Variants in INTS6L observed in about 807,000 individuals in gnomAD.
INTS6L encodes the protein integrator complex subunit 6-like.
In INTS6L, 18 loss-of-function variants were observed where a neutral mutation model predicts 64.7. That is an observed-to-expected ratio of 0.28 (90% CI 0.19 to 0.41). The LOEUF is 0.41. Among genes scored for constraint, INTS6L ranks in the 10% least tolerant of loss-of-function variants. The pLI is 1.00. For synonymous variants in INTS6L, 227 were observed against 235.9 expected (o/e 0.96, Z 0.34); for missense variants, 533 against 661.0 (o/e 0.81, Z 2.12).
intron 9 of INTS6L, among the ~76,000 whole-genome samples, chrX:135,558,281 C>T (rs143726827): frequency 3.6e-5 from 4 of 111,191 alleles, no homozygotes; most frequent in Non-Finnish European, 7.5e-5. Context: ...CCATATGATC[C>T]AGCAATCCCA....
At chrX:135,547,326 T>A in intron 6 of INTS6L, 61 bp downstream of exon 6, 1 of 1,105,494 alleles carries the variant, frequency 9.0e-7, no homozygotes. Context: ...AGACATTAAA[T>A]AAATTACTAT....
At chrX:135,557,988 A>G (rs1238523717) in intron 9 of INTS6L, among the ~76,000 whole-genome samples, 1 of 112,636 alleles carries the variant, frequency 8.9e-6, no homozygotes, top group African/African-American at 3.2e-5. Flanking sequence ...AAAAATGGGC[A>G]AAGGACTTGA....
intron 8 of INTS6L, 123 bp from the exon 9 acceptor site, chrX:135,556,045 T>C: frequency 1.4e-6 from 1 of 712,188 alleles, no homozygotes; most frequent in South Asian, 4.1e-5. Context: ...CTAAAAACAC[T>C]ATTGCTATTT....
At chrX:135,544,352 A>G (rs1170480174) in intron 2 of INTS6L, among the ~76,000 whole-genome samples, 1 of 111,994 alleles carries the variant, frequency 8.9e-6, no homozygotes, top group African/African-American at 3.3e-5. Context: ...ATGAAACCAG[A>G]AAAGAGTGTT....
intron 15 of INTS6L, 28 bp from the exon 16 acceptor site, chrX:135,579,760 C>G: frequency 1.7e-6 from 2 of 1,157,778 alleles, no homozygotes; most frequent in Non-Finnish European, 2.3e-6. Flanking sequence ...CCTTACCTCA[C>G]AGCTCAACCT....
Position 135,578,159 on chromosome X carries a change from C to A in INTS6L, c.2119+732C>A, listed in dbSNP as rs377091859. Among the ~76,000 whole-genome samples the A allele has an allele frequency of 2.7e-5, 3 of 111,889 alleles. No homozygotes were observed. In the East Asian group the frequency reaches 8.4e-4, roughly 31 times the overall value. ...CAATCCTGGTACCTCTCCTGTCCTT[C>A]ACTGCGTTCTCTTCCTAGGTGACCC... On this transcript the variant is annotated intron_variant, in intron 15 of 17. Coordinates refer to ENST00000639893, the MANE Select transcript of INTS6L (RefSeq NM_001351601.3).
At chrX:135,541,188 T>C (rs950019945) in intron 2 of INTS6L, among the ~76,000 whole-genome samples, 15 of 111,737 alleles carry the variant, frequency 1.3e-4, no homozygotes, top group Admixed American at 5.7e-4. Context: ...GATTCTGTAG[T>C]GTGTCTACTG....
intron 9 of INTS6L, among the ~76,000 whole-genome samples, chrX:135,566,104 A>G (rs1001283084): frequency 1.8e-5 from 2 of 111,941 alleles, no homozygotes; most frequent in African/African-American, 3.3e-5. Context: ...GCTGGAGGGC[A>G]TAGCTGCCCA....
intron 11 of INTS6L, chrX:135,572,020 T>G (rs1007330617): frequency 5.4e-5 from 6 of 112,112 alleles, no homozygotes; most frequent in African/African-American, 1.6e-4. Context: ...CCAAAATCAT[T>G]TTAGGTTTAC....
At chrX:135,573,698 C>T (rs2087149013) in intron 12 of INTS6L, among the ~76,000 whole-genome samples, 1 of 112,172 alleles carries the variant, frequency 8.9e-6, no homozygotes, top group Non-Finnish European at 1.9e-5. Flanking sequence ...GTATCAATCT[C>T]GGGATTTGGT....
At chrX:135,552,214 C>A (rs2086525723) in intron 8 of INTS6L, 68 bp downstream of exon 8, 2 of 1,029,692 alleles carry the variant, frequency 1.9e-6, no homozygotes, top group African/African-American at 3.8e-5. Flanking sequence ...TTTTAAGAAG[C>A]TTCAAAGGTT....
chrX:135,570,743 G>A, intron 11 of INTS6L, 197 bp downstream of exon 11: 1 of 441,925 alleles, frequency 2.3e-6, no homozygotes, highest in Non-Finnish European at 3.5e-6. Context: ...ATCATTTGAT[G>A]CTGTGCCATT....
Position 135,552,059 on chromosome X carries a change from C to G in INTS6L, c.972C>G (p.Asp324Glu), listed in dbSNP as rs562677928. 8.3e-7 allele frequency: 1 copy of G among 1,201,074 alleles called. No individual in the cohort carries two copies. Among genetic ancestry groups the G allele is most frequent in the Admixed American group, 2.2e-5 (1 of 44,960 alleles). The change falls in exon 8 of 18, where the codon GAC becomes GAG. Residue 324 changes from aspartate (D) to glutamate (E), a missense_variant. Asp to Glu is a conservative substitution (Grantham distance 45). Coordinates refer to ENST00000639893, the MANE Select transcript of INTS6L (RefSeq NM_001351601.3). ...TAGATTGTGAGCCAATGGTAATAGA[C>G]AAACTTCCTTTTGACAAATATGAAC... ...SCVDCEPMVI[D>E]KLPFDKYELE... is the part of the protein sequence containing the mutation.
Position 135,579,976 on chromosome X carries a change from C to A in INTS6L, c.2308C>A (p.Pro770Thr), listed in dbSNP as rs782346676. The change falls in exon 16 of 18, where the codon CCT becomes ACT. Residue 770 changes from proline to threonine, a missense_variant. Coordinates refer to ENST00000639893, the MANE Select transcript of INTS6L (RefSeq NM_001351601.3). The stretch of plus-strand genomic sequence containing the variant: ...CAGCAAAGATGGGCTGATTCAAAAA[C>A]CTGGTAGTAACGCATTTGTAGGAGG... ...SLSKDGLIQK[P>T]GSNAFVGGAK... 8.3e-7 allele frequency: 1 copy of A among 1,210,163 alleles called. No individual in the cohort carries two copies. Among genetic ancestry groups the A allele is most frequent in the African/African-American group, 1.7e-5 (1 of 57,241 alleles).
At chrX:135,522,495 C>T (rs1392264106) in intron 2 of INTS6L, among the ~76,000 whole-genome samples, 1 of 112,219 alleles carries the variant, frequency 8.9e-6, no homozygotes, top group Non-Finnish European at 1.9e-5. Context: ...AATCAACCTG[C>T]ATAAGAGTCC....
intron 2 of INTS6L, 121 bp downstream of exon 2, chrX:135,521,439 G>T: frequency 5.6e-6 from 4 of 709,273 alleles, no homozygotes; most frequent in Non-Finnish European, 6.0e-6. Flanking sequence ...CGGCGAGGGG[G>T]TGCGCAGAGG....
intron 2 of INTS6L, among the ~76,000 whole-genome samples, chrX:135,530,889 T>C (rs782450503): frequency 1.8e-5 from 2 of 111,840 alleles, no homozygotes; most frequent in Non-Finnish European, 1.9e-5. Flanking sequence ...CAGATGTTTA[T>C]AGAAAAAGTA....
chrX:135,579,896 G>A lies in INTS6L; in HGVS notation c.2228G>A (p.Gly743Glu). Residue 743 changes from glycine to glutamate, a missense_variant, in exon 16 of 18, where the codon GGA (glycine) becomes GAA (glutamate). Gly to Glu is a moderately conservative substitution (Grantham distance 98). Transcript: ENST00000639893. The part of the protein sequence containing the change: ...SAPSELINMT[G>E]DLMPPNQVDS... ...CCATCAGAGCTTATAAATATGACAG[G>A]AGATCTTATGCCACCCAACCAAGTG... 1 of 1,211,487 alleles carries A rather than the reference G, an allele frequency of 8.3e-7. No individual in the cohort carries two copies. Among genetic ancestry groups the A allele is most frequent in the Non-Finnish European group, 1.1e-6 (1 of 895,442 alleles).
At chrX:135,533,246 A>G (rs1168705183) in intron 2 of INTS6L, among the ~76,000 whole-genome samples, 1 of 111,977 alleles carries the variant, frequency 8.9e-6, no homozygotes, top group Non-Finnish European at 1.9e-5. Flanking sequence ...AACGTTCATG[A>G]CAGAGTCCTA....
Sources: allele counts gnomAD v4.1 joint callset (sites outside exome capture counted in the v4.1 genomes callset), GRCh38; gene constraint gnomAD v4.1.1; transcripts MANE v1.5; gene names NCBI Gene and HGNC (gene_info 2026-07-23, HGNC 2026-07-21).